The following PRPF8 variants were observed in gnomAD, a reference collection of about 807,000 sequenced individuals.
PRPF8 encodes the protein pre-mRNA processing factor 8.
Under a neutral mutation model 285.9 loss-of-function variants are expected in PRPF8, and 64 were observed. That is an observed-to-expected ratio of 0.22 (90% CI 0.18 to 0.28). The LOEUF (loss-of-function observed/expected upper bound fraction) is 0.28. Among genes scored for constraint, PRPF8 ranks in the 10% least tolerant of loss-of-function variants. The pLI is 1.00. For missense variants in PRPF8, 1,426 were observed against 3,026.7 expected, an observed-to-expected ratio of 0.47 and a Z score of 12.41; for synonymous variants, 1,325 against 1,118.2, an observed-to-expected ratio of 1.18 and a Z score of -3.69.
chr17:1,682,031 A>C lies in PRPF8; in HGVS notation c.442T>G (p.Trp148Gly). ...PVYISQWGSM[W>G]IMMRREKRDR... ...CTTTTTTCTCGGCGCATCATAATCC[A>C]CATTGACCTGGAAGGCAAGACATCA... Residue 148 changes from tryptophan to glycine, a missense_variant, in exon 5 of 43, where the codon TGG becomes GGG. By Grantham distance (184) the Trp-to-Gly change is radical (BLOSUM62 -2). Around this residue, in one of 34 missense-constraint regions of PRPF8, gnomAD observed 96 missense variants for 188.3 expected, o/e 0.51. Transcript: ENST00000304992. The C allele has an allele frequency of 1.2e-6, 2 of 1,613,914 alleles. No homozygotes were observed.
rs746609262 is a variant in PRPF8 at position 1,681,682 on chromosome 17, T to A, written c.662A>T (p.Asn221Ile). 3.7e-6 allele frequency: 6 copies of A among 1,614,048 alleles called. No homozygotes were observed. The highest frequency in any genetic ancestry group is 5.1e-6 in the Non-Finnish European group (6 of 1,179,998). The change falls in exon 6 of 43, where the codon AAT becomes ATT. Residue 221 changes from asparagine (N) to isoleucine (I), a missense_variant. Around this residue, in one of 34 missense-constraint regions of PRPF8, gnomAD observed 157 missense variants for 159.6 expected, o/e 0.98. Transcript: ENST00000304992. ...QPLRDSRKYV[N>I]GSTYQRWQFT... ...CTGCCAGCGCTGGTAAGTGGAGCCA[T>A]TTACATACCTAGGTAAAAAATGAAA...
At chr17:1,682,099 C>G (rs374453264) in intron 4 of PRPF8, 30 bp downstream of exon 4, 55 of 1,613,566 alleles carry the variant, frequency 3.4e-5, no homozygotes, top group African/African-American at 4.0e-5. Context: ...CCACCACCAC[C>G]ACCACCCACC....
Position 1,675,007 on chromosome 17 carries a change from T to C in PRPF8, c.3060+145A>G, listed in dbSNP as rs143538642. The C allele has an allele frequency of 3.8e-5, 36 of 951,170 alleles. No homozygotes were observed. The East Asian group carries it at 9.3e-4, about 25-fold the overall frequency. The allele number at this position is 951,170 out of a possible 1,614,324, so 58.9% of individuals were successfully genotyped here. ...CCAGACTGGTCTCGAACTCCTGACC[T>C]CGTGATCTGCCCGCCTCAGCCTCCC... On this transcript the variant is annotated intron_variant, in intron 20 of 42. Transcript: ENST00000304992. This position sits in a 1 kb window ranked among gnomAD's most constrained non-coding sequence, Gnocchi z 6.0.
Position 1,659,137 on chromosome 17 carries a change from C to T in PRPF8, c.5138+220G>A. 5 of 662,552 alleles carry T rather than the reference C, an allele frequency of 7.5e-6. No homozygotes were observed. Among genetic ancestry groups the T allele is most frequent in the Admixed American group, 7.3e-5 (3 of 41,374 alleles). 41.0% of individuals were successfully genotyped at this position (662,552 alleles called of 1,614,324 possible). On this transcript the variant is annotated intron_variant, in intron 32 of 42. Transcript: ENST00000304992. This position sits in a 1 kb window ranked among gnomAD's most constrained non-coding sequence, Gnocchi z 5.1. ...GCCTCCCGGGTTCAAGTAATTCTCC[C>T]ACCTCAACCTTCTGAGTAGCTGGGA...
chr17:1,672,126 A>G (rs935249350), intron 24 of PRPF8, among the ~76,000 whole-genome samples: 2 of 152,228 alleles, frequency 1.3e-5, no homozygotes, highest in Non-Finnish European at 2.9e-5. Context: ...GTTCTAAAAC[A>G]TAACAGAACG....
At position 1,656,645 on chromosome 17, in the gene PRPF8, T is replaced by TA. The variant is rs1911406669; in HGVS notation, c.5619+2dup. On this transcript the variant is annotated splice_region_variant and intron_variant, in intron 35 of 42. Transcript: ENST00000304992. ...TTTCTCCTACCCCACCCCACCCTCT[T>TA]ACCTCCAGTGGGTCCAGCATGCCCT... The TA allele has an allele frequency of 6.2e-7, 1 of 1,613,914 alleles. No individual in the cohort carries two copies. Among genetic ancestry groups the TA allele is most frequent in the Non-Finnish European group, 8.5e-7 (1 of 1,179,956 alleles).
At chr17:1,681,418 G>A (rs991929654) in intron 6 of PRPF8, 60 bp downstream of exon 6, 38 of 1,495,104 alleles carry the variant, frequency 2.5e-5, no homozygotes, top group Non-Finnish European at 3.3e-5. Flanking sequence ...GGACTTTAAG[G>A]ATCAAGATTA....
At chr17:1,684,738 A>G in intron 1 of PRPF8, 42 bp downstream of exon 1, 1 of 691,068 alleles carries the variant, frequency 1.4e-6, no homozygotes. Flanking sequence ...GCCCGACCCG[A>G]CCACGCCTCC....
rs771414359 is a variant in PRPF8 at position 1,658,640 on chromosome 17, A to C, written c.5262T>G (p.Tyr1754Ter). ...RERIRKGLQLYSSEPTEPYLS... is the reference protein window; with the variant it reads ...RERIRKGLQL ...AATAAGGCTCAGTGGGTTCAGATGA[A>C]TAGAGCTGTAGCCCCTTGCGGATCC... The change falls in exon 33 of 43, where the codon TAT (tyrosine) becomes TAG (stop). Residue 1754 changes from tyrosine (Y) to a stop codon, truncating the protein, a stop_gained. Coordinates refer to ENST00000304992, the MANE Select transcript of PRPF8 (RefSeq NM_006445.4). LOFTEE classifies it high-confidence loss of function. This position sits in a 1 kb window ranked among gnomAD's most constrained non-coding sequence, Gnocchi z 4.1. The C allele has an allele frequency of 6.2e-7, 1 of 1,614,220 alleles. No homozygotes were observed. The highest frequency in any genetic ancestry group is 8.5e-7 in the Non-Finnish European group (1 of 1,180,036).
chr17:1,668,712 C>G (rs142479211), intron 24 of PRPF8, among the ~76,000 whole-genome samples: 94 of 152,152 alleles, frequency 6.2e-4, no homozygotes, highest in Non-Finnish European at 2.9e-4. Context: ...CACTCTACAA[C>G]TGTCTTCTAA....
rs1300301246 is a variant in PRPF8, at chr17:1,682,051, A to G, written c.435-13T>C. On this transcript the variant is annotated splice_polypyrimidine_tract_variant and intron_variant, in intron 4 of 42. Transcript: ENST00000304992. Reference sequence around the variant, plus strand: ...AATCCACATTGACCTGGAAGGCAAGACATCACACAACCATTTCTACCCACT... The same window carrying G: ...AATCCACATTGACCTGGAAGGCAAGGCATCACACAACCATTTCTACCCACT... 1 of 1,613,662 alleles carries G rather than the reference A, an allele frequency of 6.2e-7. No individual in the cohort carries two copies. Among genetic ancestry groups the G allele is most frequent in the Non-Finnish European group, 8.5e-7 (1 of 1,179,748 alleles).
chr17:1,670,746 C>T (rs932724768), intron 24 of PRPF8, among the ~76,000 whole-genome samples: 2 of 152,160 alleles, frequency 1.3e-5, no homozygotes, highest in African/African-American at 4.8e-5. Flanking sequence ...CTGGGCCTCC[C>T]AAAGTGCTGG....
chr17:1,680,986 T>A lies in PRPF8; in HGVS notation c.935A>T (p.Tyr312Phe), dbSNP rs940657634. The A allele has an allele frequency of 2.5e-6, 4 of 1,613,428 alleles. No individual in the cohort carries two copies. The highest frequency in any genetic ancestry group is 3.4e-6 in the Non-Finnish European group (4 of 1,179,472). ...GTACAAGTAAGGAAAAGCAATCTTG[T>A]ACTCAGTGCGGATAGGCTGCCGGAT... is the stretch of plus-strand genomic sequence containing the variant. ...IIIRQPIRTE[Y>F]KIAFPYLYNN... The change falls in exon 7 of 43, where the codon TAC (tyrosine) becomes TTC (phenylalanine). Residue 312 changes from tyrosine to phenylalanine, a missense_variant. By Grantham distance (22) the Tyr-to-Phe change is conservative (BLOSUM62 3). Transcript: ENST00000304992.
intron 24 of PRPF8, 149 bp from the exon 25 acceptor site, chr17:1,662,302 A>G: frequency 1.0e-6 from 1 of 987,262 alleles, no homozygotes; most frequent in Non-Finnish European, 1.5e-6. Context: ...AGCAAAACAC[A>G]ATGAGGCTGG....
chr17:1,672,310 T>C (rs1018053843), intron 24 of PRPF8, among the ~76,000 whole-genome samples: 1 of 152,216 alleles, frequency 6.6e-6, no homozygotes, highest in Non-Finnish European at 1.5e-5. Flanking sequence ...ATAGAGTTTT[T>C]GCTCTGTCGC....
At chr17:1,662,627 T>A (rs1256867816) in intron 24 of PRPF8, among the ~76,000 whole-genome samples, 1 of 144,906 alleles carries the variant, frequency 6.9e-6, no homozygotes, top group Non-Finnish European at 1.5e-5. Context: ...CTGGGCCAGG[T>A]GTGGTGGCTC....
intron 24 of PRPF8, among the ~76,000 whole-genome samples, chr17:1,663,081 A>G (rs1911761949): frequency 6.6e-6 from 1 of 151,914 alleles, no homozygotes; most frequent in Admixed American, 6.5e-5. Context: ...AGTGGAACTT[A>G]AAGTGTATTA....
At chr17:1,683,349 G>A (rs527357346) in intron 3 of PRPF8, 184 bp downstream of exon 3, 21 of 707,020 alleles carry the variant, frequency 3.0e-5, no homozygotes, top group Non-Finnish European at 4.5e-5. Context: ...GTCCCAGATC[G>A]GGAAGAGAGG....
At position 1,653,348 on chromosome 17, in the gene PRPF8, C is replaced by T. The variant is rs1911186374; in HGVS notation, c.6369+194G>A. 1.1e-5 allele frequency: 8 copies of T among 706,080 alleles called. No homozygotes were observed. Among genetic ancestry groups the T allele is most frequent in the Non-Finnish European group, 2.0e-5 (8 of 404,694 alleles). 43.7% of individuals were successfully genotyped at this position (706,080 alleles called of 1,614,324 possible). On this transcript the variant is annotated intron_variant, in intron 39 of 42. Transcript: ENST00000304992. This position sits in a 1 kb window ranked among gnomAD's most constrained non-coding sequence, Gnocchi z 4.9. ...TATCAGGCCAATACTACAATTACTA[C>T]CTTCTCTCAGCTGCCACAGCTTTTG...
Sources: allele counts gnomAD v4.1 joint callset (sites outside exome capture counted in the v4.1 genomes callset), GRCh38; gene constraint gnomAD v4.1.1; regional missense constraint gnomAD v4.1.1; non-coding constraint Gnocchi (gnomAD v3.1); transcripts MANE v1.5; gene names NCBI Gene and HGNC (gene_info 2026-07-23, HGNC 2026-07-21).